The following OR2T12 variants were observed in gnomAD, a reference collection of about 807,000 sequenced individuals.
OR2T12 encodes the protein olfactory receptor 2T12.
For missense variants in OR2T12, 335 were observed against 404.3 expected (o/e 0.83, Z 1.47); for synonymous variants, 127 against 160.5 (o/e 0.79, Z 1.58).
Position 248,298,871 on chromosome 1 carries a change from A to G in OR2T12, c.-9+2502T>C, listed in dbSNP as rs536530168. ...TTTCCTTCAGTTCTGCTCTGATTTT[A>G]GTTATTTCTTGCCTTCTGCTAGCTT... On this transcript the variant is annotated intron_variant, in intron 2 of 2. Transcript: ENST00000641276. Among the ~76,000 whole-genome samples the G allele has an allele frequency of 1.8e-4, 27 of 152,004 alleles. No homozygotes were observed. The South Asian group carries it at 4.2e-3, about 23-fold the overall frequency.
rs1165982189 is a variant in OR2T12 at position 248,291,936 on chromosome 1, G to A, written c.*2680C>T. On this transcript the variant is annotated 3_prime_UTR_variant, in exon 3 of 3. Transcript: ENST00000641276. ...CAACTTTATACAAAAAATCACTCAA[G>A]ATGAAGACTTAAACATAAAACATAA... The A allele has an allele frequency of 6.6e-6, 1 of 151,906 alleles. No individual in the cohort carries two copies. Among genetic ancestry groups the A allele is most frequent in the African/African-American group, 2.4e-5 (1 of 41,378 alleles). 9.4% of individuals were successfully genotyped at this position (151,906 alleles called of 1,614,324 possible). A position where few individuals can be genotyped will look rare whatever the true frequency, so the allele number is the denominator to read the frequency against.
At chr1:248,299,918 C>G (rs1334676769) in intron 2 of OR2T12, among the ~76,000 whole-genome samples, 2 of 152,120 alleles carry the variant, frequency 1.3e-5, no homozygotes, top group Non-Finnish European at 2.9e-5. Context: ...AACTGAACAA[C>G]CTGCTCCTGA....
Position 248,294,509 on chromosome 1 carries a change from T to C in OR2T12, c.*107A>G, listed in dbSNP as rs1659682253. 3 of 1,378,848 alleles carry C rather than the reference T, an allele frequency of 2.2e-6. No individual in the cohort carries two copies. The highest frequency in any genetic ancestry group is 4.5e-5 in the Admixed American group (2 of 44,142). The allele number at this position is 1,378,848 out of a possible 1,614,324, so 85.4% of individuals were successfully genotyped here. Reference sequence around the variant, plus strand: ...CTTCATTCTTAAAAATATCTTATTATATCAATACACAAACTTAATTTTCTC... The same window carrying C: ...CTTCATTCTTAAAAATATCTTATTACATCAATACACAAACTTAATTTTCTC... On this transcript the variant is annotated 3_prime_UTR_variant, in exon 3 of 3. Coordinates refer to ENST00000641276, the MANE Select transcript of OR2T12 (RefSeq NM_001004692.2).
chr1:248,298,672 G>A (rs1659770185), intron 2 of OR2T12, among the ~76,000 whole-genome samples: 1 of 151,438 alleles, frequency 6.6e-6, no homozygotes, highest in Non-Finnish European at 1.5e-5. Flanking sequence ...ATGGTAGTTT[G>A]TATTTCTGTG....
intron 1 of OR2T12, among the ~76,000 whole-genome samples, chr1:248,301,933 A>G (rs1489203578): frequency 2.0e-5 from 3 of 152,114 alleles, no homozygotes; most frequent in Non-Finnish European, 4.4e-5. Flanking sequence ...GATACTGTGC[A>G]CAGGCCAGAG....
chr1:248,300,203 A>G (rs1024173302), intron 2 of OR2T12, among the ~76,000 whole-genome samples: 4 of 152,212 alleles, frequency 2.6e-5, no homozygotes, highest in Non-Finnish European at 4.4e-5. Flanking sequence ...CTATAACATC[A>G]GAAGTCTTTT....
At chr1:248,296,694 A>T (rs1442885003) in intron 2 of OR2T12, among the ~76,000 whole-genome samples, 1 of 151,792 alleles carries the variant, frequency 6.6e-6, no homozygotes. Flanking sequence ...CCACTTTTTG[A>T]TGGGGTTGTT....
In OR2T12 at chr1:248,293,707, A is replaced by G. The variant is rs1055377208; in HGVS notation, c.*909T>C. 1 of 152,174 alleles carries G rather than the reference A, an allele frequency of 6.6e-6. No homozygotes were observed. Among genetic ancestry groups the G allele is most frequent in the African/African-American group, 2.4e-5 (1 of 41,456 alleles). 9.4% of individuals were successfully genotyped at this position (152,174 alleles called of 1,614,324 possible). On this transcript the variant is annotated 3_prime_UTR_variant, in exon 3 of 3. Coordinates refer to ENST00000641276, the MANE Select transcript of OR2T12 (RefSeq NM_001004692.2). ...TCATTGTTAGTAACTGTCAAGATTC[A>G]GCATGATCATGCAATTCAGAGTTCA...
At chr1:248,303,015 C>T (rs1659831392) in intron 1 of OR2T12, among the ~76,000 whole-genome samples, 1 of 152,092 alleles carries the variant, frequency 6.6e-6, no homozygotes, top group Non-Finnish European at 1.5e-5. Flanking sequence ...CCAAAACTTT[C>T]AAATCATGTC....
chr1:248,297,028 G>T (rs1273489632), intron 2 of OR2T12, among the ~76,000 whole-genome samples: 1 of 152,072 alleles, frequency 6.6e-6, no homozygotes. Flanking sequence ...ATTGATTTTT[G>T]TATAAGGTGT....
chr1:248,295,518 C>T lies in OR2T12; in HGVS notation c.61G>A (p.Ala21Thr), dbSNP rs867087384. ...AGCATCATGAAGAGGACTTGGTGGG[C>T]TCTGGTGTGGTTAAAGAGTCCTAGG... ...ILLGLFNHTRAHQVLFMMLLA... is the reference protein window; with the variant it reads ...ILLGLFNHTRTHQVLFMMLLA... The change falls in exon 3 of 3, where the codon GCC (alanine) becomes ACC (threonine). Residue 21 changes from alanine to threonine, a missense_variant. Ala to Thr is a moderately conservative substitution (Grantham distance 58). Coordinates refer to ENST00000641276, the MANE Select transcript of OR2T12 (RefSeq NM_001004692.2). 1 of 1,613,208 alleles carries T rather than the reference C, an allele frequency of 6.2e-7. No homozygotes were observed. Among genetic ancestry groups the T allele is most frequent in the East Asian group, 2.2e-5 (1 of 44,866 alleles).
At position 248,295,460 on chromosome 1, in the gene OR2T12, TTGCTAAACAGGG is replaced by T; in HGVS notation, c.107_118del (p.Ser36_Asn40delinsTyr). On this transcript the variant is annotated inframe_deletion, in exon 3 of 3. Transcript: ENST00000641276. ...GTGAATCAGGAGAATCATGAGGGCA[TTGCTAAACAGGG>T]AGGTCAAAACGGTGGCCAGAAGCAT... 2 of 1,612,480 alleles carry T rather than the reference TTGCTAAACAGGG, an allele frequency of 1.2e-6. No homozygotes were observed. Among genetic ancestry groups the T allele is most frequent in the Non-Finnish European group, 1.7e-6 (2 of 1,179,636 alleles).
At position 248,295,565 on chromosome 1, in the gene OR2T12, T is replaced by A; in HGVS notation, c.14A>T (p.Asn5Ile). MEMR[N>I]TTPDFILLGL... ...TAGGAGAATAAAATCTGGGGTAGTA[T>A]TTCTCATCTCCATAATTTCCCCTGG... Residue 5 changes from asparagine (N) to isoleucine (I), a missense_variant, in exon 3 of 3, where the codon AAT (asparagine) becomes ATT (isoleucine). Physicochemically the swap from Asn to Ile is moderately radical, Grantham distance 149. Transcript: ENST00000641276. 6.3e-7 allele frequency: 1 copy of A among 1,574,982 alleles called. No individual in the cohort carries two copies. Among genetic ancestry groups the A allele is most frequent in the Non-Finnish European group, 8.6e-7 (1 of 1,160,834 alleles).
At chr1:248,300,678 T>C (rs1299958909) in intron 2 of OR2T12, among the ~76,000 whole-genome samples, 1 of 152,136 alleles carries the variant, frequency 6.6e-6, no homozygotes, top group East Asian at 1.9e-4. Flanking sequence ...GCTGTCCCAG[T>C]TATCTGGATC....
At position 248,294,479 on chromosome 1, in the gene OR2T12, G is replaced by C. The variant is rs538899737; in HGVS notation, c.*137C>G. Reference sequence around the variant, plus strand: ...AAAATGGTATCTGTCAATACAATTGGCTCACTTCATTCTTAAAAATATCTT... The same window carrying C: ...AAAATGGTATCTGTCAATACAATTGCCTCACTTCATTCTTAAAAATATCTT... On this transcript the variant is annotated 3_prime_UTR_variant, in exon 3 of 3. Coordinates refer to ENST00000641276, the MANE Select transcript of OR2T12 (RefSeq NM_001004692.2). The C allele has an allele frequency of 1.7e-6, 2 of 1,151,912 alleles. No individual in the cohort carries two copies. Among genetic ancestry groups the C allele is most frequent in the South Asian group, 1.6e-5 (1 of 62,842 alleles). 71.4% of individuals were successfully genotyped at this position (1,151,912 alleles called of 1,614,324 possible). A position where few individuals can be genotyped will look rare whatever the true frequency, so the allele number is the denominator to read the frequency against.
intron 2 of OR2T12, among the ~76,000 whole-genome samples, chr1:248,296,731 T>C (rs1361232355): frequency 6.6e-6 from 1 of 152,196 alleles, no homozygotes; most frequent in Non-Finnish European, 1.5e-5. Context: ...TTTGTTTGAG[T>C]TCATTGTAGA....
Position 248,292,302 on chromosome 1 carries a change from C to T in OR2T12, c.*2314G>A, listed in dbSNP as rs538537798. The T allele has an allele frequency of 6.8e-4, 104 of 152,148 alleles. No individual in the cohort carries two copies. Among genetic ancestry groups the T allele is most frequent in the African/African-American group, 2.2e-3 (93 of 41,534 alleles). 9.4% of individuals were successfully genotyped at this position (152,148 alleles called of 1,614,324 possible). A position where few individuals can be genotyped will look rare whatever the true frequency, so the allele number is the denominator to read the frequency against. ...ACTGGGTGCTAGAGCTTCATATGTT[C>T]GAAGTAACTCCTCATTCAAAATTTT... is the stretch of plus-strand genomic sequence containing the variant. On this transcript the variant is annotated 3_prime_UTR_variant, in exon 3 of 3. Coordinates refer to ENST00000641276, the MANE Select transcript of OR2T12 (RefSeq NM_001004692.2).
Position 248,294,470 on chromosome 1 carries a change from A to G in OR2T12, c.*146T>C. ...AAATGCTCAAAAATGGTATCTGTCA[A>G]TACAATTGGCTCACTTCATTCTTAA... On this transcript the variant is annotated 3_prime_UTR_variant, in exon 3 of 3. Transcript: ENST00000641276. 4 of 1,075,480 alleles carry G rather than the reference A, an allele frequency of 3.7e-6. No individual in the cohort carries two copies. Among genetic ancestry groups the G allele is most frequent in the Non-Finnish European group, 5.3e-6 (4 of 748,818 alleles). The allele number at this position is 1,075,480 out of a possible 1,614,324, so 66.6% of individuals were successfully genotyped here. A position where few individuals can be genotyped will look rare whatever the true frequency, so the allele number is the denominator to read the frequency against.
rs1297173213 is a variant in OR2T12 at position 248,293,836 on chromosome 1, G to A, written c.*780C>T. 2 of 151,868 alleles carry A rather than the reference G, an allele frequency of 1.3e-5. No homozygotes were observed. Among genetic ancestry groups the A allele is most frequent in the African/African-American group, 2.4e-5 (1 of 41,376 alleles). 9.4% of individuals were successfully genotyped at this position (151,868 alleles called of 1,614,324 possible). A position where few individuals can be genotyped will look rare whatever the true frequency, so the allele number is the denominator to read the frequency against. ...AATTTTCCAATGCAATTACAATGAC[G>A]CTCTTGGAAAAGATAAATATTACTT... On this transcript the variant is annotated 3_prime_UTR_variant, in exon 3 of 3. Transcript: ENST00000641276.
Sources: allele counts gnomAD v4.1 joint callset (sites outside exome capture counted in the v4.1 genomes callset), GRCh38; gene constraint gnomAD v4.1.1; transcripts MANE v1.5; gene names NCBI Gene and HGNC (gene_info 2026-07-23, HGNC 2026-07-21).